The following PCDH11X variants were observed in gnomAD, a reference collection of about 807,000 sequenced individuals.
PCDH11X encodes protocadherin 11 X-linked.
Under a neutral mutation model 53.3 loss-of-function variants are expected in PCDH11X, and 18 were observed. That is an observed-to-expected ratio of 0.34 (90% CI 0.23 to 0.50). The LOEUF is 0.50. Among genes scored for constraint, PCDH11X ranks in the 20% least tolerant of loss-of-function variants. PCDH11X has a pLI of 0.98. For synonymous variants in PCDH11X, 279 were observed against 393.3 expected (o/e 0.71, Z 3.44); for missense variants, 570 against 1,032.4 (o/e 0.55, Z 6.14).
chrX:91,873,662 T>G (rs1939441456), intron 5 of PCDH11X, among the ~76,000 whole-genome samples: 1 of 111,476 alleles, frequency 9.0e-6, no homozygotes, highest in African/African-American at 3.2e-5. Context: ...AAGTAAAAAC[T>G]AAATATATAA....
chrX:92,250,111 C>T (rs2067429572), intron 7 of PCDH11X, among the ~76,000 whole-genome samples: 1 of 111,521 alleles, frequency 9.0e-6, no homozygotes, highest in South Asian at 3.7e-4. Context: ...AATTTTTCAA[C>T]CCTTTGAAAG....
intron 6 of PCDH11X, among the ~76,000 whole-genome samples, chrX:91,902,761 C>T: frequency 9.2e-6 from 1 of 109,011 alleles, no homozygotes; most frequent in Non-Finnish European, 1.9e-5. Context: ...TTCTTACCTA[C>T]TTCAACTGAT....
intron 6 of PCDH11X, among the ~76,000 whole-genome samples, chrX:92,145,176 A>G (rs2065249319): frequency 1.8e-5 from 2 of 111,374 alleles, no homozygotes; most frequent in African/African-American, 6.5e-5. Context: ...CAATGGCTCT[A>G]ATTTTGTATT....
chrX:91,903,883 G>A (rs1314916652), intron 6 of PCDH11X, among the ~76,000 whole-genome samples: 3 of 110,341 alleles, frequency 2.7e-5, no homozygotes, highest in Non-Finnish European at 5.7e-5. Context: ...ATGAAAATAG[G>A]GACTAACGAA....
chrX:91,922,293 G>A (rs1223161129), intron 6 of PCDH11X, among the ~76,000 whole-genome samples: 1 of 111,841 alleles, frequency 8.9e-6, no homozygotes, highest in East Asian at 2.8e-4. Context: ...CTGAAGTCTA[G>A]AGTAGTTAAA....
chrX:92,210,237 T>A (rs2066557916), intron 7 of PCDH11X, among the ~76,000 whole-genome samples: 1 of 79,859 alleles, frequency 1.3e-5, no homozygotes, highest in South Asian at 7.6e-4. Flanking sequence ...GGGCTTTTTT[T>A]TTTTTTTTTT....
At chrX:92,247,920 G>GTTTAGTGAAACCTGACAACAA (rs745778870) in intron 7 of PCDH11X, among the ~76,000 whole-genome samples, 5,404 of 110,801 alleles carry the variant, frequency 0.049, 220 homozygotes, top group East Asian at 0.21. Context: ...ATTGAGACAG[G>GTTTAGTGAAACCTGACAACAA]TTTAGTGAAA....
chrX:92,088,393 T>C (rs2063994972), intron 6 of PCDH11X, among the ~76,000 whole-genome samples: 1 of 111,553 alleles, frequency 9.0e-6, no homozygotes, highest in East Asian at 2.8e-4. Context: ...TTCTCTTTTT[T>C]AATGCTTTGG....
intron 8 of PCDH11X, among the ~76,000 whole-genome samples, chrX:92,268,457 A>T (rs780711639): frequency 9.0e-6 from 1 of 110,723 alleles, no homozygotes; most frequent in African/African-American, 3.3e-5. Context: ...ACGCCCAACA[A>T]TTTTTTGTAT....
intron 8 of PCDH11X, among the ~76,000 whole-genome samples, chrX:92,282,592 A>G (rs146581058): frequency 0.022 from 2,480 of 111,643 alleles, 57 homozygotes; most frequent in African/African-American, 0.068. Context: ...GCTCTTTGCA[A>G]TGAATTATGC....
chrX:92,282,649 A>G (rs755199894), intron 8 of PCDH11X, among the ~76,000 whole-genome samples: 136 of 111,781 alleles, frequency 1.2e-3, no homozygotes, highest in Admixed American at 1.7e-3. Flanking sequence ...CTGGATATTT[A>G]TGAGCTAGAT....
intron 10 of PCDH11X, among the ~76,000 whole-genome samples, chrX:92,472,676 A>T (rs1277356226): frequency 9.0e-6 from 1 of 110,672 alleles, no homozygotes; most frequent in Non-Finnish European, 1.9e-5. Flanking sequence ...TTGATAATTT[A>T]ATAGGAATAG....
At chrX:92,221,619 T>C (rs976326212) in intron 7 of PCDH11X, among the ~76,000 whole-genome samples, 4 of 111,978 alleles carry the variant, frequency 3.6e-5, no homozygotes, top group African/African-American at 1.3e-4. Context: ...TAAGCAAATT[T>C]GAGAGATTGT....
chrX:91,888,425 G>A (rs1470227206), intron 6 of PCDH11X, among the ~76,000 whole-genome samples: 1 of 111,860 alleles, frequency 8.9e-6, no homozygotes, highest in Non-Finnish European at 1.9e-5. Context: ...GGCCGAGGCA[G>A]GTGGATCGCT....
At chrX:92,133,224 A>T (rs2065025957) in intron 6 of PCDH11X, among the ~76,000 whole-genome samples, 1 of 111,985 alleles carries the variant, frequency 8.9e-6, no homozygotes, top group Non-Finnish European at 1.9e-5. Flanking sequence ...ATCGTGAATG[A>T]TAATTTATAT....
intron 9 of PCDH11X, among the ~76,000 whole-genome samples, chrX:92,416,257 T>G (rs1460831402): frequency 9.1e-6 from 1 of 110,447 alleles, no homozygotes; most frequent in African/African-American, 3.3e-5. Flanking sequence ...TACTAATTGA[T>G]AGAACAATAG....
At chrX:92,324,604 T>C (rs2148496788) in intron 8 of PCDH11X, among the ~76,000 whole-genome samples, 1 of 102,650 alleles carries the variant, frequency 9.7e-6, no homozygotes, top group Non-Finnish European at 2.0e-5. Flanking sequence ...ATAGAAAAGA[T>C]AGCAATGTAG....
chrX:92,235,962 A>G (rs938154418), intron 7 of PCDH11X, among the ~76,000 whole-genome samples: 1 of 111,439 alleles, frequency 9.0e-6, no homozygotes, highest in Admixed American at 9.7e-5. Context: ...AGATGGCCTA[A>G]TCAACTACCA....
chrX:92,073,089 G>T (rs1292249994), intron 6 of PCDH11X, among the ~76,000 whole-genome samples: 3 of 110,887 alleles, frequency 2.7e-5, no homozygotes, highest in Admixed American at 9.7e-5. Context: ...CACTGAGTTC[G>T]ATGTAAAGTC....
Sources: allele counts gnomAD v4.1 joint callset (sites outside exome capture counted in the v4.1 genomes callset), GRCh38; gene constraint gnomAD v4.1.1; transcripts MANE v1.5; gene names NCBI Gene and HGNC (gene_info 2026-07-23, HGNC 2026-07-21).